ZFHX4: variants seen among roughly 807,000 people sequenced by gnomAD.
ZFHX4 encodes the protein zinc finger homeobox 4.
Under a neutral mutation model 267.6 loss-of-function variants are expected in ZFHX4, and 56 were observed. The observed-to-expected ratio is 0.21, with a 90% confidence interval of 0.17 to 0.26. The LOEUF (loss-of-function observed/expected upper bound fraction) is 0.26, where lower values mean the gene tolerates loss of function less well. Ranked by LOEUF, ZFHX4 falls within the 10% of genes least tolerant of loss-of-function variation. ZFHX4 has a pLI of 1.00. For synonymous variants in ZFHX4, 1,778 were observed against 1,665.6 expected (o/e 1.07, Z -1.64); for missense variants, 4,332 against 4,420.0 (o/e 0.98, Z 0.56).
intron 3 of ZFHX4, among the ~76,000 whole-genome samples, chr8:76,749,726 A>T (rs1467481463): frequency 1.3e-5 from 2 of 152,148 alleles, no homozygotes; most frequent in Non-Finnish European, 2.9e-5. Context: ...ATTCTTTCTA[A>T]TTTTTACCCA....
chr8:76,861,766 C>CT (rs757543240), intron 10 of ZFHX4, among the ~76,000 whole-genome samples: 3,309 of 146,360 alleles, frequency 0.023, 38 homozygotes, highest in Non-Finnish European at 0.024. Flanking sequence ...TCTGTCTCTC[C>CT]TTTTTTTTTT....
intron 1 of ZFHX4, among the ~76,000 whole-genome samples, chr8:76,686,763 T>C (rs1585847021): frequency 6.6e-6 from 1 of 152,326 alleles, no homozygotes; most frequent in East Asian, 1.9e-4. Flanking sequence ...GTTATGAGTC[T>C]TTAAAGACTA....
At chr8:76,809,991 G>A (rs942502932) in intron 4 of ZFHX4, among the ~76,000 whole-genome samples, 1 of 151,976 alleles carries the variant, frequency 6.6e-6, no homozygotes, top group Non-Finnish European at 1.5e-5. Flanking sequence ...TGATAAAATT[G>A]AATATAGTAA....
intron 4 of ZFHX4, among the ~76,000 whole-genome samples, chr8:76,783,618 A>T (rs969296440): frequency 6.6e-6 from 1 of 151,996 alleles, no homozygotes; most frequent in Non-Finnish European, 1.5e-5. Context: ...CAAGAGCATT[A>T]TGGTGTCTTT....
At chr8:76,684,430 A>G (rs1357418670) in intron 1 of ZFHX4, among the ~76,000 whole-genome samples, 2 of 152,198 alleles carry the variant, frequency 1.3e-5, no homozygotes, top group East Asian at 1.9e-4. Context: ...TTTAATATTT[A>G]TGGCATAAAC....
chr8:76,799,544 AAATCCTTATTAACATTCCTT>A (rs1364703868), intron 4 of ZFHX4, among the ~76,000 whole-genome samples: 1 of 152,158 alleles, frequency 6.6e-6, no homozygotes, highest in East Asian at 1.9e-4. Context: ...TAGAAAACAA[AAATCCTTATTAACATTCCTT>A]GTGGAAACAG....
At position 76,855,759 on chromosome 8, in the gene ZFHX4, T is replaced by C. The variant is rs1439983517; in HGVS notation, c.8838T>C (p.Ala2946=). The C allele has an allele frequency of 2.5e-6, 4 of 1,613,986 alleles. No homozygotes were observed. Among genetic ancestry groups the C allele is most frequent in the South Asian group, 2.2e-5 (2 of 91,088 alleles). The change falls in exon 10 of 11, where the codon GCT becomes GCC. Residue 2946 remains alanine (A), a synonymous_variant. Transcript: ENST00000651372. ...ATCTTCAACTCAAGGTTCTCAAGGC[T>C]TGCTTTAGTGACTACCGAACTCCAA... ...MSNLQLKVLK[A]CFSDYRTPTM...
At position 76,706,330 on chromosome 8, in the gene ZFHX4, A is replaced by G. The variant is rs754378179; in HGVS notation, c.2242A>G (p.Thr748Ala). 1 of 1,613,986 alleles carries G rather than the reference A, an allele frequency of 6.2e-7. No individual in the cohort carries two copies. The highest frequency in any genetic ancestry group is 8.5e-7 in the Non-Finnish European group (1 of 1,179,952). ...TGGCCACTCTGCCCCAGCCCCCAAC[A>G]CCAGCCTCAGTGGCTGCGGAACACC... ...VFGHSAPAPNTSLSGCGTPSP... is the reference protein window; with the variant it reads ...VFGHSAPAPNASLSGCGTPSP... The change falls in exon 2 of 11, where the codon ACC (threonine) becomes GCC (alanine). Residue 748 changes from threonine (T) to alanine (A), a missense_variant. Physicochemically the swap from Thr to Ala is moderately conservative, Grantham distance 58. Coordinates refer to ENST00000651372, the MANE Select transcript of ZFHX4 (RefSeq NM_024721.5).
Position 76,705,040 on chromosome 8 carries a change from G to A in ZFHX4, c.952G>A (p.Val318Ile), listed in dbSNP as rs1218726795. The change falls in exon 2 of 11, where the codon GTC (valine) becomes ATC (isoleucine). Residue 318 changes from valine to isoleucine, a missense_variant. Coordinates refer to ENST00000651372, the MANE Select transcript of ZFHX4 (RefSeq NM_024721.5). ...EEQKLLSNKC[V>I]SAIIQGIGKD... is the part of the protein sequence containing the mutation. ...GCAGAAGCTCCTCAGTAATAAATGC[G>A]TCTCCGCCATAATACAGGGGATTGG... is the stretch of plus-strand genomic sequence containing the variant. 12 of 1,613,778 alleles carry A rather than the reference G, an allele frequency of 7.4e-6. No individual in the cohort carries two copies. The highest frequency in any genetic ancestry group is 1.0e-5 in the Non-Finnish European group (12 of 1,179,878).
chr8:76,778,626 T>C (rs979462253), intron 4 of ZFHX4, among the ~76,000 whole-genome samples, 187 bp downstream of exon 4: 2 of 152,186 alleles, frequency 1.3e-5, no homozygotes, highest in African/African-American at 4.8e-5. Context: ...TTTCTTTTTA[T>C]ATCAGTACCA....
At chr8:76,724,322 C>T (rs1308078505) in intron 3 of ZFHX4, among the ~76,000 whole-genome samples, 1 of 151,908 alleles carries the variant, frequency 6.6e-6, no homozygotes, top group Non-Finnish European at 1.5e-5. Context: ...CTCTCTTCTT[C>T]AGAAGAGAGA....
At chr8:76,686,276 C>T (rs1375078527) in intron 1 of ZFHX4, among the ~76,000 whole-genome samples, 2 of 152,120 alleles carry the variant, frequency 1.3e-5, no homozygotes, top group Non-Finnish European at 2.9e-5. Flanking sequence ...TTAATCTCTG[C>T]AAGCTGTTTG....
chr8:76,814,383 G>T (rs1052029814), intron 4 of ZFHX4, among the ~76,000 whole-genome samples: 26 of 152,108 alleles, frequency 1.7e-4, no homozygotes, highest in Non-Finnish European at 2.2e-4. Context: ...TTTTCTTAGA[G>T]TTATGTAACA....
rs953370621 is a variant in ZFHX4 at position 76,866,242 on chromosome 8, G to A, written c.*1677G>A. The A allele has an allele frequency of 6.6e-6, 1 of 152,536 alleles. No individual in the cohort carries two copies. The highest frequency in any genetic ancestry group is 2.4e-5 in the African/African-American group (1 of 41,432). The allele number at this position is 152,536 out of a possible 1,614,324, so 9.4% of individuals were successfully genotyped here. A position where few individuals can be genotyped will look rare whatever the true frequency, so the allele number is the denominator to read the frequency against. Reference sequence around the variant, plus strand: ...TTATTAATATGAAGAAATGCAAAATGTATTGCTTTTGATATTTCTCTTCCG... The same window carrying A: ...TTATTAATATGAAGAAATGCAAAATATATTGCTTTTGATATTTCTCTTCCG... On this transcript the variant is annotated 3_prime_UTR_variant, in exon 11 of 11. Coordinates refer to ENST00000651372, the MANE Select transcript of ZFHX4 (RefSeq NM_024721.5).
rs547565895 is a variant in ZFHX4, at chr8:76,704,580, G to A, written c.492G>A (p.Ala164=). 9 of 1,613,934 alleles carry A rather than the reference G, an allele frequency of 5.6e-6. No homozygotes were observed. The highest frequency in any genetic ancestry group is 4.5e-5 in the East Asian group (2 of 44,872). The change falls in exon 2 of 11, where the codon GCG becomes GCA. Residue 164 remains alanine, a synonymous_variant. Coordinates refer to ENST00000651372, the MANE Select transcript of ZFHX4 (RefSeq NM_024721.5). The part of the protein sequence containing the change: ...TGANSKLFST[A]MFLDSLASAG... ...CAAATAGCAAACTCTTTTCTACAGCGATGTTCCTGGACTCCCTGGCATCTG... is the reference window on the plus strand; with the variant it reads ...CAAATAGCAAACTCTTTTCTACAGCAATGTTCCTGGACTCCCTGGCATCTG...
chr8:76,709,206 G>T (rs1349692719), intron 3 of ZFHX4, among the ~76,000 whole-genome samples: 1 of 152,020 alleles, frequency 6.6e-6, no homozygotes, highest in Non-Finnish European at 1.5e-5. Flanking sequence ...GTTGTTTCTT[G>T]AAGTTGAAAT....
intron 3 of ZFHX4, among the ~76,000 whole-genome samples, chr8:76,731,600 A>T (rs1809012863): frequency 6.6e-6 from 1 of 152,176 alleles, no homozygotes; most frequent in Non-Finnish European, 1.5e-5. Context: ...GTCTGTGAAT[A>T]TTAGCAAAAA....
chr8:76,778,597 A>G (rs2131773766), intron 4 of ZFHX4, among the ~76,000 whole-genome samples, 158 bp downstream of exon 4: 1 of 152,106 alleles, frequency 6.6e-6, no homozygotes, highest in East Asian at 1.9e-4. Context: ...AGAAATGAAC[A>G]TGTTGTTCCC....
At chr8:76,764,007 A>G (rs1027197705) in intron 3 of ZFHX4, among the ~76,000 whole-genome samples, 2 of 152,168 alleles carry the variant, frequency 1.3e-5, no homozygotes, top group Non-Finnish European at 2.9e-5. Flanking sequence ...TTCTCATCAC[A>G]TGGTTTGGTC....
Sources: gnomAD v4.1 joint callset for allele counts (sites outside exome capture counted in the v4.1 genomes callset) on GRCh38, gnomAD v4.1.1 for gene constraint, MANE v1.5 for transcripts, NCBI Gene and HGNC (gene_info 2026-07-23, HGNC 2026-07-21) for gene names.